Variants in KIAA0753 observed in about 807,000 individuals in gnomAD.
KIAA0753 encodes the protein protein moonraker.
A neutral mutation model predicts 116.9 loss-of-function variants in KIAA0753; 114 were observed. The ratio of observed to expected loss-of-function variants is 0.98; its 90% confidence interval spans 0.84 to 1.14. The LOEUF is 1.14. Ranked by LOEUF, KIAA0753 falls within the 50% of genes most tolerant of loss-of-function variation. The pLI is 0.00. For missense variants in KIAA0753, 1,156 were observed against 1,172.4 expected (o/e 0.99, Z 0.20); for synonymous variants, 405 against 413.1 (o/e 0.98, Z 0.24).
intron 10 of KIAA0753, 110 bp downstream of exon 10, chr17:6,608,238 A>C (rs1970314880): frequency 4.1e-6 from 2 of 492,206 alleles, no homozygotes; most frequent in Non-Finnish European, 7.2e-6. Context: ...AATAATCTAC[A>C]TTTTAAATAA....
In KIAA0753 at chr17:6,620,914, C is replaced by T. The variant is rs1268036171; in HGVS notation, c.1189G>A (p.Gly397Ser). 5 of 1,614,116 alleles carry T rather than the reference C, an allele frequency of 3.1e-6. No individual in the cohort carries two copies. Among genetic ancestry groups the T allele is most frequent in the Admixed American group, 3.3e-5 (2 of 60,016 alleles). Residue 397 changes from glycine to serine, a missense_variant, in exon 7 of 19, where the codon GGT becomes AGT. Coordinates refer to ENST00000361413, the MANE Select transcript of KIAA0753 (RefSeq NM_014804.3). ...FSEIRSRFPI[G>S]SQKALERWPS... ...CATCTCTCCAAGGCCTTTTGGCTACCGATAGGAAATCTGCTCCGAATTTCA... is the reference window on the plus strand; with the variant it reads ...CATCTCTCCAAGGCCTTTTGGCTACTGATAGGAAATCTGCTCCGAATTTCA...
intron 15 of KIAA0753, 39 bp downstream of exon 15, chr17:6,596,119 C>A (rs750698872): frequency 6.3e-7 from 1 of 1,591,580 alleles, no homozygotes; most frequent in Non-Finnish European, 8.6e-7. Flanking sequence ...CAGAGGCCAG[C>A]CCCTAGCAGC....
At chr17:6,608,554 G>C in intron 9 of KIAA0753, 90 bp from the exon 10 acceptor site, 1 of 591,484 alleles carries the variant, frequency 1.7e-6, no homozygotes, top group Non-Finnish European at 2.8e-6. Context: ...GATGACAACA[G>C]CATTAAATTA....
At chr17:6,590,024 T>A in intron 17 of KIAA0753, 21 bp from the exon 18 acceptor site, 1 of 1,504,026 alleles carries the variant, frequency 6.6e-7, no homozygotes, top group South Asian at 1.3e-5. Context: ...ATAAAAATGA[T>A]GAAAGCATTC....
chr17:6,592,748 G>A (rs2150758817), intron 16 of KIAA0753, among the ~76,000 whole-genome samples: 1 of 152,274 alleles, frequency 6.6e-6, no homozygotes, highest in East Asian at 1.9e-4. Context: ...TTCCCACTTA[G>A]GAGTAGGTAA....
intron 18 of KIAA0753, among the ~76,000 whole-genome samples, chr17:6,588,351 G>C (rs545165420): frequency 2.4e-4 from 37 of 152,178 alleles, no homozygotes; most frequent in African/African-American, 8.9e-4. Flanking sequence ...CGGAAGACAA[G>C]GGCATCAGAA....
At chr17:6,592,209 ACAT>A (rs1040335881) in intron 16 of KIAA0753, among the ~76,000 whole-genome samples, 2 of 152,174 alleles carry the variant, frequency 1.3e-5, no homozygotes, top group African/African-American at 4.8e-5. Flanking sequence ...AAAAGGTAAC[ACAT>A]TAGTGTTTTG....
intron 9 of KIAA0753, 120 bp downstream of exon 9, chr17:6,609,874 G>A: frequency 9.0e-7 from 1 of 1,113,976 alleles, no homozygotes; most frequent in Non-Finnish European, 1.3e-6. Flanking sequence ...AAGGATTTCT[G>A]CTTAATGGAA....
chr17:6,588,269 A>C (rs959522168), intron 18 of KIAA0753, among the ~76,000 whole-genome samples: 1 of 152,228 alleles, frequency 6.6e-6, no homozygotes, highest in Non-Finnish European at 1.5e-5. Flanking sequence ...CACACTTGTA[A>C]GTTTCAAGAA....
intron 2 of KIAA0753, among the ~76,000 whole-genome samples, chr17:6,632,659 T>C (rs1972080631): frequency 1.3e-5 from 2 of 152,152 alleles, no homozygotes; most frequent in Admixed American, 6.5e-5. Flanking sequence ...AGATACCACC[T>C]TAATCAAATG....
At chr17:6,582,228 A>C (rs1056648626) in intron 18 of KIAA0753, among the ~76,000 whole-genome samples, 1 of 152,236 alleles carries the variant, frequency 6.6e-6, no homozygotes, top group Non-Finnish European at 1.5e-5. Flanking sequence ...AGAAACCTAC[A>C]AACTAGAATC....
Position 6,608,433 on chromosome 17 carries a change from T to G in KIAA0753, c.1744A>C (p.Arg582=). ...TGGAGAGGCTCTTTTGTGGCATCTC[T>G]GGGGCTAGTTTTCACCTTTAGCCAT... is the stretch of plus-strand genomic sequence containing the variant. ...AAWLKVKTSP[R]DATKEPLQQE... Residue 582 remains arginine, a synonymous_variant, in exon 10 of 19, where the codon AGA becomes CGA. Coordinates refer to ENST00000361413, the MANE Select transcript of KIAA0753 (RefSeq NM_014804.3). 6.4e-7 allele frequency: 1 copy of G among 1,563,168 alleles called. No individual in the cohort carries two copies. The highest frequency in any genetic ancestry group is 8.7e-7 in the Non-Finnish European group (1 of 1,150,104).
chr17:6,602,729 T>C (rs1045057460), intron 12 of KIAA0753, among the ~76,000 whole-genome samples: 12 of 152,224 alleles, frequency 7.9e-5, no homozygotes, highest in Middle Eastern at 3.2e-3. Flanking sequence ...TCAAAATTCA[T>C]TGAACTGTAC....
chr17:6,591,858 G>C (rs548511536), intron 16 of KIAA0753, among the ~76,000 whole-genome samples: 1 of 152,232 alleles, frequency 6.6e-6, no homozygotes, highest in Non-Finnish European at 1.5e-5. Context: ...GGCCCTTGCC[G>C]GGCCAGTCCC....
chr17:6,600,250 G>A (rs1969774521), intron 13 of KIAA0753, 130 bp downstream of exon 13: 1 of 703,064 alleles, frequency 1.4e-6, no homozygotes, highest in African/African-American at 1.8e-5. Context: ...GTGTGTGGTG[G>A]TCTGGGGGTA....
At chr17:6,608,971 T>A (rs1395191402) in intron 9 of KIAA0753, among the ~76,000 whole-genome samples, 3 of 152,192 alleles carry the variant, frequency 2.0e-5, no homozygotes, top group Non-Finnish European at 4.4e-5. Context: ...AATACTTGTA[T>A]ACAAAAATAC....
intron 12 of KIAA0753, among the ~76,000 whole-genome samples, chr17:6,606,374 C>T (rs1379777309): frequency 6.6e-6 from 1 of 152,152 alleles, no homozygotes. Context: ...AGCAGCTGAA[C>T]TAAATCTTTT....
intron 12 of KIAA0753, among the ~76,000 whole-genome samples, chr17:6,606,146 T>C (rs534200612): frequency 9.9e-5 from 15 of 152,258 alleles, no homozygotes; most frequent in Non-Finnish European, 2.2e-4. Context: ...GGGGAAAAGA[T>C]CCTTCAAATC....
chr17:6,590,588 TGAGGAGATA>T lies in KIAA0753; in HGVS notation c.2474_2482del (p.Leu825_Pro827del), dbSNP rs1429794555. On this transcript the variant is annotated inframe_deletion, in exon 17 of 19. Transcript: ENST00000361413. ...CACTGTCTTCGTGATTCTGATTGGA[TGAGGAGATA>T]GAGGCTTTTCACTTATTGCTGAGAT... 6.2e-7 allele frequency: 1 copy of T among 1,613,882 alleles called. No individual in the cohort carries two copies. Among genetic ancestry groups the T allele is most frequent in the Non-Finnish European group, 8.5e-7 (1 of 1,179,932 alleles).
Sources: gnomAD v4.1 joint callset for allele counts (sites outside exome capture counted in the v4.1 genomes callset) on GRCh38, gnomAD v4.1.1 for gene constraint, MANE v1.5 for transcripts, NCBI Gene and HGNC (gene_info 2026-07-23, HGNC 2026-07-21) for gene names.